NINL: variants seen among roughly 807,000 people sequenced by gnomAD.
NINL encodes the protein ninein-like protein.
In NINL, 153 loss-of-function variants were observed where a neutral mutation model predicts 160.3. The ratio of observed to expected loss-of-function variants is 0.95; its 90% CI spans 0.84 to 1.09. The LOEUF (loss-of-function observed/expected upper bound fraction) is 1.09. Among genes scored for constraint, NINL ranks in the 50% least tolerant of loss-of-function variants. The probability of loss-of-function intolerance (pLI) is 0.00; values close to 1 mark genes in which losing one functional copy is unlikely to be tolerated. For synonymous variants in NINL, 800 were observed against 734.8 expected (o/e 1.09, Z -1.43); for missense variants, 1,829 against 1,764.0 (o/e 1.04, Z -0.66).
At position 25,480,276 on chromosome 20, in the gene NINL, A is replaced by G. The variant is rs143430964; in HGVS notation, c.1811-9T>C. The G allele has an allele frequency of 2.7e-4, 438 of 1,609,754 alleles. 6 individuals carry two copies. In the East Asian group the frequency reaches 8.8e-3, roughly 32 times the overall value. ...ACCCAGGAATGAAATGCCTGCAAAC[A>G]AGAGGCCACTTCCGTTTGTCACACT... On this transcript the variant is annotated splice_polypyrimidine_tract_variant and intron_variant, in intron 14 of 23. Transcript: ENST00000278886.
At chr20:25,502,276 C>T (rs2063884633) in intron 7 of NINL, among the ~76,000 whole-genome samples, 1 of 152,166 alleles carries the variant, frequency 6.6e-6, no homozygotes, top group Admixed American at 6.5e-5. Flanking sequence ...GCCACCATGC[C>T]CGGCCCTCAT....
At chr20:25,564,835 A>T (rs535956017) in intron 1 of NINL, among the ~76,000 whole-genome samples, 11 of 152,184 alleles carry the variant, frequency 7.2e-5, no homozygotes, top group African/African-American at 2.6e-4. Context: ...ATAAAATAAA[A>T]CTTCTTATAT....
rs531312805 is a variant in NINL at position 25,561,015 on chromosome 20, G to A, written c.-12+24440C>T. On this transcript the variant is annotated intron_variant, in intron 1 of 23. Transcript: ENST00000278886. ...CCTCTCCCTCTCCCTCTCTTTCCAC[G>A]GTCTCCCTCTCCCTCTCCCCTCCTC... is the stretch of plus-strand genomic sequence containing the variant. 7.6e-5 allele frequency among the ~76,000 whole-genome samples: 10 copies of A among 132,110 alleles called. No individual in the cohort carries two copies. The East Asian group carries it at 1.4e-3, about 18-fold the overall frequency. The allele number at this position is 132,110 out of a possible 152,430, so 86.7% of individuals were successfully genotyped here. A position where few individuals can be genotyped will look rare whatever the true frequency, so the allele number is the denominator to read the frequency against.
chr20:25,528,491 C>G (rs1022870086), intron 1 of NINL, among the ~76,000 whole-genome samples: 18 of 152,060 alleles, frequency 1.2e-4, no homozygotes, highest in African/African-American at 3.6e-4. Context: ...CTGCAACTTT[C>G]TGGAGGAAAA....
chr20:25,566,488 A>G (rs567251046), intron 1 of NINL, among the ~76,000 whole-genome samples: 36 of 152,358 alleles, frequency 2.4e-4, no homozygotes, highest in African/African-American at 8.4e-4. Flanking sequence ...AGATTTTGCA[A>G]TGATCAGACT....
At chr20:25,583,286 C>T (rs1308950295) in intron 1 of NINL, among the ~76,000 whole-genome samples, 1 of 151,978 alleles carries the variant, frequency 6.6e-6, no homozygotes, top group East Asian at 1.9e-4. Context: ...AAGAAAAAAA[C>T]AACCCCATCA....
chr20:25,561,269 G>T (rs537838155), intron 1 of NINL, among the ~76,000 whole-genome samples: 1 of 152,118 alleles, frequency 6.6e-6, no homozygotes, highest in African/African-American at 2.4e-5. Context: ...CAGCTCCTAA[G>T]CGCGAGTGAT....
chr20:25,583,342 T>C (rs1257732416), intron 1 of NINL, among the ~76,000 whole-genome samples: 2 of 152,124 alleles, frequency 1.3e-5, no homozygotes, highest in Non-Finnish European at 2.9e-5. Context: ...AAAGAAGACA[T>C]TTATGCAGCC....
intron 1 of NINL, among the ~76,000 whole-genome samples, chr20:25,546,086 A>G (rs374716439): frequency 2.6e-5 from 4 of 151,996 alleles, no homozygotes; most frequent in South Asian, 2.1e-4. Context: ...CCTAAAATGC[A>G]TAAGACAGAG....
intron 1 of NINL, among the ~76,000 whole-genome samples, chr20:25,543,813 T>A (rs1469322691): frequency 1.3e-5 from 2 of 151,994 alleles, no homozygotes; most frequent in African/African-American, 2.4e-5. Flanking sequence ...GGCCACCACG[T>A]CGTTTCCATG....
chr20:25,477,064 C>T lies in NINL; in HGVS notation c.2227G>A (p.Gly743Arg). Reference sequence around the variant, plus strand: ...AGGGCTCCCAGCCCCGACAGCTCTCCACTCAGCTCCGCCTCAGCCTCTCTC... The same window carrying T: ...AGGGCTCCCAGCCCCGACAGCTCTCTACTCAGCTCCGCCTCAGCCTCTCTC... ...IRREAEAELS[G>R]ELSGLGALPA... The change falls in exon 17 of 24, where the codon GGA (glycine) becomes AGA (arginine). Residue 743 changes from glycine (G) to arginine (R), a missense_variant. Physicochemically the swap from Gly to Arg is moderately radical, Grantham distance 125 (BLOSUM62 -2). Coordinates refer to ENST00000278886, the MANE Select transcript of NINL (RefSeq NM_025176.6). The T allele has an allele frequency of 6.3e-7, 1 of 1,597,196 alleles. No individual in the cohort carries two copies. The highest frequency in any genetic ancestry group is 8.5e-7 in the Non-Finnish European group (1 of 1,179,144).
chr20:25,491,988 G>A (rs2063651394), intron 10 of NINL, among the ~76,000 whole-genome samples: 1 of 152,208 alleles, frequency 6.6e-6, no homozygotes, highest in African/African-American at 2.4e-5. Context: ...TTTTTTCTCA[G>A]CTGCTACATT....
chr20:25,528,385 A>G (rs1189618900), intron 1 of NINL, among the ~76,000 whole-genome samples: 1 of 152,204 alleles, frequency 6.6e-6, no homozygotes, highest in African/African-American at 2.4e-5. Context: ...GTAGAAGAAT[A>G]AAAACTTTAT....
At chr20:25,581,160 G>A (rs956909352) in intron 1 of NINL, among the ~76,000 whole-genome samples, 1 of 152,218 alleles carries the variant, frequency 6.6e-6, no homozygotes, top group Admixed American at 6.5e-5. Flanking sequence ...CCAAAAGTAG[G>A]CTGGGTGCAG....
chr20:25,551,563 T>C (rs1600328650), intron 1 of NINL, among the ~76,000 whole-genome samples: 1 of 152,190 alleles, frequency 6.6e-6, no homozygotes, highest in Middle Eastern at 3.4e-3. Context: ...CTGAAGCATC[T>C]GTGACCTCTG....
At chr20:25,458,617 G>T in intron 21 of NINL, 88 bp from the exon 22 acceptor site, 5 of 1,344,844 alleles carry the variant, frequency 3.7e-6, no homozygotes, top group Non-Finnish European at 4.9e-6. Context: ...ACCCCCACCT[G>T]CAAGGGCAAG....
chr20:25,539,085 C>G (rs1476866901), intron 1 of NINL, among the ~76,000 whole-genome samples: 1 of 152,182 alleles, frequency 6.6e-6, no homozygotes, highest in Non-Finnish European at 1.5e-5. Flanking sequence ...CTGGGGTCAG[C>G]TCCCTGGCAA....
intron 1 of NINL, 71 bp from the exon 2 acceptor site, chr20:25,526,669 G>T: frequency 1.4e-6 from 2 of 1,471,382 alleles, no homozygotes; most frequent in Non-Finnish European, 1.9e-6. Flanking sequence ...CCACACTGCC[G>T]GTGAGCACCG....
intron 1 of NINL, among the ~76,000 whole-genome samples, chr20:25,537,324 C>T (rs977955253): frequency 9.2e-5 from 14 of 152,322 alleles, no homozygotes; most frequent in African/African-American, 3.1e-4. Context: ...CTCAAGTGAT[C>T]CTTCTACCGG....
Sources: gnomAD v4.1 joint callset for allele counts (sites outside exome capture counted in the v4.1 genomes callset) on GRCh38, gnomAD v4.1.1 for gene constraint, MANE v1.5 for transcripts, NCBI Gene and HGNC (gene_info 2026-07-23, HGNC 2026-07-21) for gene names.